LRRC7: variants seen among roughly 807,000 people sequenced by gnomAD.
LRRC7 encodes the protein leucine rich repeat containing 7.
In LRRC7, 23 loss-of-function variants were observed where a neutral mutation model predicts 175.7. The ratio of observed to expected loss-of-function variants is 0.13; its 90% CI spans 0.09 to 0.19. LRRC7 has a LOEUF of 0.19. Ranked by LOEUF, LRRC7 falls within the 10% of genes least tolerant of loss-of-function variation. The pLI is 1.00. For synonymous variants in LRRC7, 685 were observed against 680.9 expected (o/e 1.01, Z -0.09); for missense variants, 1,354 against 1,904.7 (o/e 0.71, Z 5.38).
chr1:69,625,760 G>C (rs1034894262), intron 1 of LRRC7, among the ~76,000 whole-genome samples: 1 of 151,932 alleles, frequency 6.6e-6, no homozygotes, highest in African/African-American at 2.4e-5. Flanking sequence ...CTTTGATCCG[G>C]GGGCTGTTTA....
intron 2 of LRRC7, among the ~76,000 whole-genome samples, chr1:69,718,142 G>GAAAGAAAGAAAA (rs1553146139): frequency 1.4e-5 from 1 of 73,716 alleles, no homozygotes; most frequent in Non-Finnish European, 2.4e-5. Context: ...AAGAAAGAGA[G>GAAAGAAAGAAAA]AGAAAGAAAG....
At chr1:69,834,101 C>T (rs892826734) in intron 5 of LRRC7, among the ~76,000 whole-genome samples, 3 of 152,142 alleles carry the variant, frequency 2.0e-5, no homozygotes, top group South Asian at 2.1e-4. Flanking sequence ...ATTATTTCAT[C>T]TAATTTCTAA....
intron 3 of LRRC7, among the ~76,000 whole-genome samples, chr1:69,769,155 G>A (rs775757715): frequency 3.9e-5 from 6 of 152,174 alleles, no homozygotes; most frequent in Non-Finnish European, 8.8e-5. Context: ...TGGTGAAAGA[G>A]GACCTAGGTT....
chr1:70,131,856 T>C lies in LRRC7; in HGVS notation c.*9969T>C, dbSNP rs184064928. On this transcript the variant is annotated 3_prime_UTR_variant, in exon 27 of 27. Transcript: ENST00000651989. ...ATGAACTGGAAAAGTGAAATATTAATTGAGAGAGTGACATTATCTTAGGAT... is the reference window on the plus strand; with the variant it reads ...ATGAACTGGAAAAGTGAAATATTAACTGAGAGAGTGACATTATCTTAGGAT... 2.2e-3 allele frequency among the ~76,000 whole-genome samples: 329 copies of C among 152,314 alleles called. No individual in the cohort carries two copies. Among genetic ancestry groups the C allele is most frequent in the Non-Finnish European group, 3.9e-3 (263 of 68,034 alleles).
intron 7 of LRRC7, among the ~76,000 whole-genome samples, chr1:69,916,718 T>A (rs749288723): frequency 1.3e-5 from 2 of 152,104 alleles, no homozygotes; most frequent in Non-Finnish European, 2.9e-5. Flanking sequence ...CCTGTGTAAA[T>A]GTCTTCATTT....
At chr1:69,716,822 T>G (rs1665406505) in intron 2 of LRRC7, among the ~76,000 whole-genome samples, 1 of 151,812 alleles carries the variant, frequency 6.6e-6, no homozygotes, top group African/African-American at 2.4e-5. Flanking sequence ...AACTTAAGAA[T>G]GTGGAAAGAG....
rs201244182 is a variant in LRRC7 at position 70,116,761 on chromosome 1, A to C, written c.4621-5019A>C. On this transcript the variant is annotated intron_variant, in intron 26 of 26. Transcript: ENST00000651989. Reference sequence around the variant, plus strand: ...TTTTTAAATAGCTTGGCATAGAGTCAATATAGTATTGATTATGGAGTATAC... The same window carrying C: ...TTTTTAAATAGCTTGGCATAGAGTCCATATAGTATTGATTATGGAGTATAC... Among the ~76,000 whole-genome samples the C allele has an allele frequency of 1.7e-4, 26 of 152,308 alleles. No homozygotes were observed. In the East Asian group the frequency reaches 4.8e-3, roughly 28 times the overall value.
chr1:69,576,794 T>C (rs12084695), intron 1 of LRRC7, among the ~76,000 whole-genome samples: 40,608 of 152,042 alleles, frequency 0.27, 5,860 homozygotes, highest in East Asian at 0.38. Context: ...GAACAGAACA[T>C]ATTTCTGCAT....
intron 23 of LRRC7, among the ~76,000 whole-genome samples, chr1:70,065,654 A>G (rs1253056675): frequency 6.6e-6 from 1 of 151,928 alleles, no homozygotes; most frequent in Non-Finnish European, 1.5e-5. Flanking sequence ...AACATATACA[A>G]TGATGGGGAT....
intron 1 of LRRC7, among the ~76,000 whole-genome samples, chr1:69,597,094 T>G (rs79728439): frequency 0.012 from 1,784 of 152,336 alleles, 39 homozygotes; most frequent in Admixed American, 0.058. Flanking sequence ...CCCCTCTTAT[T>G]GGAGCAGTAA....
chr1:69,800,952 G>A (rs1676407617), intron 4 of LRRC7, among the ~76,000 whole-genome samples: 1 of 151,710 alleles, frequency 6.6e-6, no homozygotes, highest in African/African-American at 2.4e-5. Flanking sequence ...AAGGGATACT[G>A]CATTTTGTCA....
At chr1:69,749,384 A>C (rs1669582714) in intron 2 of LRRC7, among the ~76,000 whole-genome samples, 1 of 152,194 alleles carries the variant, frequency 6.6e-6, no homozygotes, top group Non-Finnish European at 1.5e-5. Context: ...CCAGGAAAGC[A>C]GCATTATTTA....
intron 1 of LRRC7, among the ~76,000 whole-genome samples, chr1:69,581,527 T>C (rs1346935981): frequency 6.6e-6 from 1 of 152,152 alleles, no homozygotes; most frequent in East Asian, 1.9e-4. Flanking sequence ...CTGGAGAATC[T>C]GGAGAGGGAA....
chr1:69,813,182 A>G (rs1351348198), intron 4 of LRRC7, among the ~76,000 whole-genome samples: 1 of 152,016 alleles, frequency 6.6e-6, no homozygotes, highest in Non-Finnish European at 1.5e-5. Context: ...ATATGGTTCA[A>G]ATTCTATAGT....
Position 69,717,840 on chromosome 1 carries a change from A to AG in LRRC7, c.100+39362_100+39363insG, listed in dbSNP as rs1557641382. Among the ~76,000 whole-genome samples, 63 of 52,374 alleles carry AG rather than the reference A, an allele frequency of 1.2e-3. 5 individuals carry two copies. Among genetic ancestry groups the AG allele is most frequent in the Non-Finnish European group, 1.3e-3 (39 of 28,958 alleles). 34.4% of individuals were successfully genotyped at this position (52,374 alleles called of 152,430 possible). ...AAAGAAAGAAAGAAAGAAAGAAAGAAAAAAGAAAGAAAGGAAAGAAAGAAA... is the reference window on the plus strand; with the variant it reads ...AAAGAAAGAAAGAAAGAAAGAAAGAAGAAAAGAAAGAAAGGAAAGAAAGAAA... On this transcript the variant is annotated intron_variant, in intron 2 of 26. Coordinates refer to ENST00000651989, the MANE Select transcript of LRRC7 (RefSeq NM_001370785.2).
intron 1 of LRRC7, among the ~76,000 whole-genome samples, chr1:69,665,056 G>A (rs61782253): frequency 0.069 from 10,531 of 151,990 alleles, 471 homozygotes; most frequent in African/African-American, 0.12. Context: ...ATTAATTGAA[G>A]AAACTGTCCT....
chr1:69,591,348 G>T (rs1449135789), intron 1 of LRRC7, among the ~76,000 whole-genome samples: 1 of 151,956 alleles, frequency 6.6e-6, no homozygotes, highest in Non-Finnish European at 1.5e-5. Flanking sequence ...AAGTGTCTGA[G>T]AATTTTTTTG....
chr1:69,815,147 T>A (rs182824095), intron 4 of LRRC7, among the ~76,000 whole-genome samples: 1 of 152,160 alleles, frequency 6.6e-6, no homozygotes. Flanking sequence ...TTGTGAAACC[T>A]CCACCATCAT....
At chr1:69,846,769 A>T (rs138407495) in intron 7 of LRRC7, among the ~76,000 whole-genome samples, 5 of 152,104 alleles carry the variant, frequency 3.3e-5, no homozygotes, top group Non-Finnish European at 7.4e-5. Flanking sequence ...GACCCAGGAA[A>T]AATTTTAAAT....
Sources: gnomAD v4.1 joint callset for allele counts (sites outside exome capture counted in the v4.1 genomes callset) on GRCh38, gnomAD v4.1.1 for gene constraint, MANE v1.5 for transcripts, NCBI Gene and HGNC (gene_info 2026-07-23, HGNC 2026-07-21) for gene names.